Variants in C2CD5 observed in about 807,000 individuals in gnomAD.
The protein encoded by C2CD5 is C2 calcium dependent domain containing 5.
C2CD5 carries 109 observed loss-of-function variants against 130.3 expected under a neutral mutation model. The observed-to-expected ratio is 0.84, with a 90% confidence interval of 0.72 to 0.98. The LOEUF is 0.98. Ranked by LOEUF, C2CD5 falls within the 50% of genes least tolerant of loss-of-function variation. The pLI is 0.00. For synonymous variants in C2CD5, 454 were observed against 429.2 expected (o/e 1.06, Z -0.71); for missense variants, 996 against 1,261.8 (o/e 0.79, Z 3.19).
chr12:22,519,277 CAA>C, intron 7 of C2CD5: 1 of 1,514,170 alleles, frequency 6.6e-7, no homozygotes, highest in Non-Finnish European at 8.9e-7. Context: ...GAAAAGAAAA[CAA>C]TACATACAAC....
intron 10 of C2CD5, among the ~76,000 whole-genome samples, chr12:22,498,567 A>G (rs1947343419): frequency 6.6e-6 from 1 of 152,172 alleles, no homozygotes; most frequent in Admixed American, 6.6e-5. Flanking sequence ...TGAATTTTCT[A>G]AACAACTATA....
intron 8 of C2CD5, among the ~76,000 whole-genome samples, chr12:22,514,252 A>G (rs1047778094): frequency 6.6e-6 from 1 of 152,124 alleles, no homozygotes; most frequent in Non-Finnish European, 1.5e-5. Context: ...ATTTACCACA[A>G]CGACTTAAAA....
chr12:22,513,100 G>A (rs879174582), intron 9 of C2CD5, among the ~76,000 whole-genome samples, 194 bp downstream of exon 9: 10 of 151,844 alleles, frequency 6.6e-5, no homozygotes, highest in African/African-American at 1.5e-4. Flanking sequence ...TTATTATTAC[G>A]TAATTATTCC....
At chr12:22,474,641 ATATT>A (rs895386970) in intron 16 of C2CD5, 106 bp downstream of exon 16, 9 of 693,820 alleles carry the variant, frequency 1.3e-5, no homozygotes, top group African/African-American at 1.9e-5. Flanking sequence ...AACTTTTTAA[ATATT>A]TATAACAGTT....
At chr12:22,478,563 C>T (rs1944217349) in intron 14 of C2CD5, 86 bp from the exon 15 acceptor site, 1 of 1,170,144 alleles carries the variant, frequency 8.5e-7, no homozygotes, top group Admixed American at 2.1e-5. Context: ...ATGTGGTCAA[C>T]AGCTGGGTGC....
intron 3 of C2CD5, among the ~76,000 whole-genome samples, chr12:22,528,634 G>A (rs1950939888): frequency 6.6e-6 from 1 of 152,066 alleles, no homozygotes; most frequent in Non-Finnish European, 1.5e-5. Context: ...AATACCAAAG[G>A]ATTATTATTT....
intron 10 of C2CD5, among the ~76,000 whole-genome samples, chr12:22,504,306 T>TAA (rs1948193230): frequency 8.4e-6 from 1 of 119,510 alleles, no homozygotes; most frequent in African/African-American, 6.8e-5. Flanking sequence ...TTTTTTTTCT[T>TAA]TTTTTTTTTT....
intron 22 of C2CD5, among the ~76,000 whole-genome samples, chr12:22,464,888 T>A (rs1181679445): frequency 6.6e-6 from 1 of 152,190 alleles, no homozygotes; most frequent in African/African-American, 2.4e-5. Flanking sequence ...ACTTCTGTAT[T>A]TTTTACAAAT....
chr12:22,505,137 A>G (rs1948326459), intron 10 of C2CD5, among the ~76,000 whole-genome samples: 2 of 152,184 alleles, frequency 1.3e-5, no homozygotes, highest in Non-Finnish European at 2.9e-5. Flanking sequence ...ACTACAGGGC[A>G]TAAATTAAAC....
intron 4 of C2CD5, among the ~76,000 whole-genome samples, chr12:22,525,927 TTTTAG>T (rs1179599603): frequency 6.6e-6 from 1 of 152,220 alleles, no homozygotes; most frequent in Non-Finnish European, 1.5e-5. Flanking sequence ...ATAGTCTTTG[TTTTAG>T]TTGATTCTGT....
chr12:22,527,199 T>C (rs1950794135), intron 4 of C2CD5, among the ~76,000 whole-genome samples: 1 of 151,998 alleles, frequency 6.6e-6, no homozygotes, highest in African/African-American at 2.4e-5. Flanking sequence ...TTACTTACTA[T>C]ACTATACAAA....
intron 10 of C2CD5, 129 bp downstream of exon 10, chr12:22,506,582 T>C (rs1948564140): frequency 3.4e-6 from 2 of 588,854 alleles, no homozygotes; most frequent in South Asian, 2.3e-5. Context: ...TATATTAAAG[T>C]AACGTGCTAG....
chr12:22,502,890 A>G, intron 10 of C2CD5: 2 of 712,462 alleles, frequency 2.8e-6, no homozygotes, highest in Non-Finnish European at 4.9e-6. Context: ...CAAGAACGCA[A>G]TTGACAACAC....
chr12:22,487,454 CTCA>C (rs1254665722), intron 12 of C2CD5, among the ~76,000 whole-genome samples: 1 of 152,172 alleles, frequency 6.6e-6, no homozygotes, highest in African/African-American at 2.4e-5. Context: ...TGAAAAAATG[CTCA>C]TCATCACTGG....
intron 12 of C2CD5, among the ~76,000 whole-genome samples, chr12:22,486,466 TTA>T (rs1198028129): frequency 6.6e-6 from 1 of 152,154 alleles, no homozygotes; most frequent in Non-Finnish European, 1.5e-5. Flanking sequence ...AACCAACTTC[TTA>T]TAAGCCAAGA....
At chr12:22,500,229 C>A (rs1947586313) in intron 10 of C2CD5, among the ~76,000 whole-genome samples, 3 of 146,138 alleles carry the variant, frequency 2.1e-5, no homozygotes, top group South Asian at 2.2e-4. Context: ...ACTAAGGCAG[C>A]AAAGCAGGAG....
Position 22,532,999 on chromosome 12 carries a change from G to T in C2CD5, c.177+2259C>A, listed in dbSNP as rs189459946. ...CAGTTCCAGCTGAGGGGTGAAGGAA[G>T]TGGTATCAGAGAAATGGGCAATATG... On this transcript the variant is annotated intron_variant, in intron 3 of 26. Coordinates refer to ENST00000446597, the MANE Select transcript of C2CD5 (RefSeq NM_001286176.2). Among the ~76,000 whole-genome samples, 453 of 152,316 alleles carry T rather than the reference G, an allele frequency of 3.0e-3. 1 individual carries two copies. Among genetic ancestry groups the T allele is most frequent in the Non-Finnish European group, 4.6e-3 (314 of 68,026 alleles).
At chr12:22,462,481 C>T (rs966096709) in intron 22 of C2CD5, among the ~76,000 whole-genome samples, 1 of 152,160 alleles carries the variant, frequency 6.6e-6, no homozygotes, top group East Asian at 1.9e-4. Flanking sequence ...CAAAGCAATA[C>T]AGGGCTATGG....
At chr12:22,512,508 T>A in intron 9 of C2CD5, 1 of 526,918 alleles carries the variant, frequency 1.9e-6, no homozygotes. Flanking sequence ...TGCTATTAAA[T>A]AAAAAAAAAA....
Sources: gnomAD v4.1 joint callset for allele counts (sites outside exome capture counted in the v4.1 genomes callset) on GRCh38, gnomAD v4.1.1 for gene constraint, MANE v1.5 for transcripts, NCBI Gene and HGNC (gene_info 2026-07-23, HGNC 2026-07-21) for gene names.